Variants in FHIT observed in about 807,000 individuals in gnomAD.
FHIT encodes the protein bis(5'-adenosyl)-triphosphatase.
A neutral mutation model predicts 17.9 loss-of-function variants in FHIT; 19 were observed. That is an observed-to-expected ratio of 1.06 (90% CI 0.74 to 1.56). The LOEUF is 1.56. Ranked by LOEUF, FHIT falls within the 40% of genes most tolerant of loss-of-function variation. The pLI is 0.00. For synonymous variants in FHIT, 81 were observed against 69.7 expected, an observed-to-expected ratio of 1.16 and a Z score of -0.81; for missense variants, 248 against 189.2, an observed-to-expected ratio of 1.31 and a Z score of -1.82.
chr3:60,854,648 C>A (rs1479023791), intron 3 of FHIT, among the ~76,000 whole-genome samples: 3 of 150,928 alleles, frequency 2.0e-5, no homozygotes, highest in East Asian at 2.0e-4. Flanking sequence ...GACACATTCT[C>A]CCTAGGCAAG....
At chr3:60,517,455 C>A (rs2035202545) in intron 5 of FHIT, among the ~76,000 whole-genome samples, 1 of 152,090 alleles carries the variant, frequency 6.6e-6, no homozygotes, top group Admixed American at 6.5e-5. Context: ...CTTCCTCTGT[C>A]TCTCTACACC....
intron 5 of FHIT, among the ~76,000 whole-genome samples, chr3:60,041,125 T>A (rs1701420814): frequency 3.3e-5 from 5 of 152,292 alleles, no homozygotes; most frequent in African/African-American, 1.2e-4. Flanking sequence ...GCATGAAATA[T>A]TTTTACATCT....
chr3:60,138,466 C>T (rs906465120), intron 5 of FHIT, among the ~76,000 whole-genome samples: 1 of 152,146 alleles, frequency 6.6e-6, no homozygotes, highest in Non-Finnish European at 1.5e-5. Flanking sequence ...GAAATTTTCT[C>T]ATTGAATGGA....
chr3:60,107,487 CCA>C (rs1704475431), intron 5 of FHIT, among the ~76,000 whole-genome samples: 1 of 152,096 alleles, frequency 6.6e-6, no homozygotes, highest in Admixed American at 6.5e-5. Context: ...TTCACGAGCT[CCA>C]CAGAGGGAAC....
intron 5 of FHIT, among the ~76,000 whole-genome samples, chr3:60,425,777 T>C (rs1047051678): frequency 3.3e-5 from 5 of 149,872 alleles, no homozygotes; most frequent in African/African-American, 1.2e-4. Context: ...ACCCAATTAA[T>C]TTTATAATCA....
intron 2 of FHIT, among the ~76,000 whole-genome samples, chr3:61,101,012 T>C (rs1336999721): frequency 6.6e-6 from 1 of 152,148 alleles, no homozygotes; most frequent in Non-Finnish European, 1.5e-5. Context: ...TACAGGTTGC[T>C]GGTTTACTCT....
chr3:61,177,987 C>G (rs958304725), intron 2 of FHIT, among the ~76,000 whole-genome samples: 3 of 152,120 alleles, frequency 2.0e-5, no homozygotes, highest in Non-Finnish European at 4.4e-5. Context: ...ATCAGTGATG[C>G]ATCCCATTGG....
chr3:61,096,673 C>A (rs1215767687), intron 2 of FHIT, among the ~76,000 whole-genome samples: 1 of 152,160 alleles, frequency 6.6e-6, no homozygotes, highest in East Asian at 1.9e-4. Context: ...TCTGGTACAG[C>A]CACCTCATTG....
At chr3:59,985,817 G>A (rs572068849) in intron 7 of FHIT, among the ~76,000 whole-genome samples, 3 of 152,026 alleles carry the variant, frequency 2.0e-5, no homozygotes, top group Admixed American at 6.6e-5. Context: ...CTTAGAATCC[G>A]TCACAGCGCA....
At chr3:60,373,641 G>C (rs1018498787) in intron 5 of FHIT, among the ~76,000 whole-genome samples, 1 of 152,138 alleles carries the variant, frequency 6.6e-6, no homozygotes, top group Non-Finnish European at 1.5e-5. Context: ...GGTGGTAGTA[G>C]GGAGACCAGC....
chr3:61,088,258 T>C (rs1253887126), intron 2 of FHIT, among the ~76,000 whole-genome samples: 1 of 152,156 alleles, frequency 6.6e-6, no homozygotes, highest in Non-Finnish European at 1.5e-5. Flanking sequence ...ATTACTATAA[T>C]AGAAGGGACT....
At chr3:60,122,432 A>G (rs1367660374) in intron 5 of FHIT, among the ~76,000 whole-genome samples, 1 of 152,192 alleles carries the variant, frequency 6.6e-6, no homozygotes, top group Non-Finnish European at 1.5e-5. Context: ...TTGTTTTGCT[A>G]GGAATTCAGG....
At chr3:60,730,983 T>C (rs1447499674) in intron 4 of FHIT, among the ~76,000 whole-genome samples, 1 of 135,088 alleles carries the variant, frequency 7.4e-6, no homozygotes, top group Non-Finnish European at 1.6e-5. Context: ...AAAAAAAAAT[T>C]AGCCCAGCGT....
intron 7 of FHIT, among the ~76,000 whole-genome samples, chr3:59,941,379 C>A (rs1706509334): frequency 1.3e-5 from 2 of 152,170 alleles, no homozygotes; most frequent in African/African-American, 4.8e-5. Context: ...CTTTACCCAC[C>A]TCTCACTGTT....
At chr3:60,944,110 C>T (rs1708538073) in intron 3 of FHIT, among the ~76,000 whole-genome samples, 1 of 152,126 alleles carries the variant, frequency 6.6e-6, no homozygotes, top group African/African-American at 2.4e-5. Flanking sequence ...CCAATGTTTC[C>T]TCCAGTTAAA....
intron 5 of FHIT, among the ~76,000 whole-genome samples, chr3:60,429,336 T>A (rs1702790760): frequency 6.6e-6 from 1 of 152,008 alleles, no homozygotes; most frequent in Non-Finnish European, 1.5e-5. Context: ...GGACAAGATT[T>A]GAGTAAGACA....
At chr3:60,532,610 T>C (rs1432497555) in intron 5 of FHIT, among the ~76,000 whole-genome samples, 3 of 152,154 alleles carry the variant, frequency 2.0e-5, no homozygotes, top group South Asian at 2.1e-4. Flanking sequence ...ATTAAAGACA[T>C]TCTGACATAT....
rs1705809483 is a variant in FHIT at position 59,928,936 on chromosome 3, AG to A, written c.280-6523del. Among the ~76,000 whole-genome samples, 16 of 138,310 alleles carry A rather than the reference AG, an allele frequency of 1.2e-4. No individual in the cohort carries two copies. The South Asian group carries it at 4.1e-3, about 36-fold the overall frequency. The allele number at this position is 138,310 out of a possible 152,430, so 90.7% of individuals were successfully genotyped here. A position where few individuals can be genotyped will look rare whatever the true frequency, so the allele number is the denominator to read the frequency against. ...CTTAAACCTGGGAGGTGGAAGTTGC[AG>A]TGAGCCGAGATTGCACCACTGCACT... On this transcript the variant is annotated intron_variant, in intron 7 of 9. Transcript: ENST00000492590.
At chr3:60,279,028 AG>A (rs1185288703) in intron 5 of FHIT, among the ~76,000 whole-genome samples, 1 of 152,158 alleles carries the variant, frequency 6.6e-6, no homozygotes, top group Non-Finnish European at 1.5e-5. Context: ...AAAACAGAAT[AG>A]AAATTAGAGC....
Sources: allele counts gnomAD v4.1 joint callset (sites outside exome capture counted in the v4.1 genomes callset), GRCh38; gene constraint gnomAD v4.1.1; transcripts MANE v1.5; gene names NCBI Gene and HGNC (gene_info 2026-07-23, HGNC 2026-07-21).